GRM8: variants seen among roughly 807,000 people sequenced by gnomAD.
GRM8 encodes the protein glutamate metabotropic receptor 8, also known as metabotropic glutamate receptor 8.
A neutral mutation model predicts 87.2 loss-of-function variants in GRM8; 47 were observed. The observed-to-expected ratio is 0.54, with a 90% CI of 0.43 to 0.69. GRM8 has a LOEUF of 0.69. Ranked by LOEUF, GRM8 falls within the 30% of genes least tolerant of loss-of-function variation. The pLI, the probability that GRM8 is intolerant of heterozygous loss-of-function variation, is 0.00. For synonymous variants in GRM8, 396 were observed against 404.5 expected, an observed-to-expected ratio of 0.98 and a Z score of 0.25; for missense variants, 1,019 against 1,139.2, an observed-to-expected ratio of 0.89 and a Z score of 1.52.
At chr7:126,482,980 CA>C (rs1442754656) in intron 9 of GRM8, among the ~76,000 whole-genome samples, 1 of 150,894 alleles carries the variant, frequency 6.6e-6, no homozygotes, top group African/African-American at 2.4e-5. Flanking sequence ...ACAGGGTACC[CA>C]CACTAAGAAA....
At chr7:126,497,465 C>A (rs1223075880) in intron 9 of GRM8, among the ~76,000 whole-genome samples, 3 of 151,874 alleles carry the variant, frequency 2.0e-5, no homozygotes, top group African/African-American at 7.3e-5. Flanking sequence ...TTACTAATTT[C>A]TAAAGAGGGA....
chr7:126,563,054 G>C (rs1370782303), intron 8 of GRM8, among the ~76,000 whole-genome samples: 1 of 152,180 alleles, frequency 6.6e-6, no homozygotes, highest in East Asian at 1.9e-4. Context: ...TGGATATGAT[G>C]TTTGAAAGCT....
intron 1 of GRM8, among the ~76,000 whole-genome samples, chr7:127,246,376 G>T (rs1798584012): frequency 6.6e-6 from 1 of 152,174 alleles, no homozygotes; most frequent in Non-Finnish European, 1.5e-5. Flanking sequence ...AGTATAAACA[G>T]CTCCTCTCTC....
At chr7:127,036,636 A>C (rs1817874469) in intron 3 of GRM8, among the ~76,000 whole-genome samples, 1 of 152,148 alleles carries the variant, frequency 6.6e-6, no homozygotes, top group Admixed American at 6.5e-5. Context: ...GAAAGTTGCC[A>C]TTTGGTTTGG....
chr7:127,225,220 T>A (rs1452191205), intron 2 of GRM8, among the ~76,000 whole-genome samples: 1 of 152,156 alleles, frequency 6.6e-6, no homozygotes. Context: ...TGGGGGTACA[T>A]CTAGGGTGGG....
At chr7:126,447,836 G>A (rs555229274) in intron 9 of GRM8, among the ~76,000 whole-genome samples, 1 of 152,018 alleles carries the variant, frequency 6.6e-6, no homozygotes, top group South Asian at 2.1e-4. Context: ...CAGTTCATCT[G>A]CCACTAAGGC....
At chr7:126,724,321 C>T (rs1300288379) in intron 7 of GRM8, among the ~76,000 whole-genome samples, 1 of 152,152 alleles carries the variant, frequency 6.6e-6, no homozygotes, top group Non-Finnish European at 1.5e-5. Context: ...CCAAATCTGG[C>T]TCTGAAAGGC....
At chr7:126,904,707 G>A in intron 3 of GRM8, 24 bp from the exon 4 acceptor site, 1 of 1,608,126 alleles carries the variant, frequency 6.2e-7, no homozygotes, top group Non-Finnish European at 8.5e-7. Flanking sequence ...AAGGGAGGTG[G>A]TGATTCAGAA....
intron 2 of GRM8, among the ~76,000 whole-genome samples, chr7:127,149,151 G>GA (rs1278702363): frequency 6.6e-6 from 1 of 151,432 alleles, no homozygotes; most frequent in African/African-American, 2.4e-5. Flanking sequence ...TATAGATTGG[G>GA]AAAAAAAATA....
intron 7 of GRM8, among the ~76,000 whole-genome samples, chr7:126,694,322 A>C (rs1809149317): frequency 6.6e-6 from 1 of 152,112 alleles, no homozygotes; most frequent in African/African-American, 2.4e-5. Context: ...AGCTAACAAA[A>C]TTTTCCACTG....
At chr7:126,647,673 C>G (rs905853118) in intron 7 of GRM8, among the ~76,000 whole-genome samples, 4 of 152,150 alleles carry the variant, frequency 2.6e-5, no homozygotes, top group African/African-American at 7.2e-5. Flanking sequence ...CTGGAGCCAT[C>G]ATTGAAAGCT....
intron 6 of GRM8, among the ~76,000 whole-genome samples, chr7:126,805,351 A>G (rs1481477717): frequency 2.0e-5 from 3 of 152,164 alleles, no homozygotes; most frequent in Non-Finnish European, 4.4e-5. Flanking sequence ...ACTATTTAAC[A>G]TGTATGTATT....
At chr7:126,909,854 A>G (rs1803107630) in intron 3 of GRM8, among the ~76,000 whole-genome samples, 1 of 152,178 alleles carries the variant, frequency 6.6e-6, no homozygotes, top group African/African-American at 2.4e-5. Flanking sequence ...CTTGCAAGAT[A>G]CTGAAATCCA....
At chr7:127,118,718 G>A (rs762406220) in intron 2 of GRM8, among the ~76,000 whole-genome samples, 6 of 152,154 alleles carry the variant, frequency 3.9e-5, no homozygotes, top group Admixed American at 6.5e-5. Flanking sequence ...GTCTGACCCC[G>A]GATTCATTTC....
At chr7:127,229,068 T>C (rs962382010) in intron 2 of GRM8, 7 of 152,256 alleles carry the variant, frequency 4.6e-5, no homozygotes, top group Admixed American at 2.0e-4. Context: ...TCACATACTA[T>C]GCATACCACT....
chr7:127,006,513 C>T (rs1282175531), intron 3 of GRM8, among the ~76,000 whole-genome samples: 1 of 152,014 alleles, frequency 6.6e-6, no homozygotes, highest in Non-Finnish European at 1.5e-5. Flanking sequence ...GTCTCCACTA[C>T]TCCCATGAAC....
chr7:126,666,717 A>G (rs1585435867), intron 7 of GRM8, among the ~76,000 whole-genome samples: 1 of 152,192 alleles, frequency 6.6e-6, no homozygotes, highest in East Asian at 1.9e-4. Flanking sequence ...CAAAAATAGT[A>G]ACAACACAGA....
chr7:127,071,377 G>GA (rs1821667577), intron 3 of GRM8, among the ~76,000 whole-genome samples: 1 of 152,100 alleles, frequency 6.6e-6, no homozygotes, highest in Admixed American at 6.5e-5. Context: ...CTTAAAACTG[G>GA]ACTTTTTTTC....
intron 6 of GRM8, among the ~76,000 whole-genome samples, chr7:126,802,862 T>C: frequency 6.6e-6 from 1 of 152,188 alleles, no homozygotes; most frequent in Non-Finnish European, 1.5e-5. Flanking sequence ...GAGAATATCA[T>C]GGAGACAATG....
Sources: allele counts gnomAD v4.1 joint callset (sites outside exome capture counted in the v4.1 genomes callset), GRCh38; gene constraint gnomAD v4.1.1; transcripts MANE v1.5; gene names NCBI Gene and HGNC (gene_info 2026-07-23, HGNC 2026-07-21).